ERAP1: variants seen among roughly 807,000 people sequenced by gnomAD.
ERAP1 encodes the protein endoplasmic reticulum aminopeptidase 1.
Under a neutral mutation model 103.7 loss-of-function variants are expected in ERAP1, and 86 were observed. That is an observed-to-expected ratio of 0.83 (90% CI 0.70 to 0.99). The LOEUF is 0.99. ERAP1 is among the 50% of genes least tolerant of loss of function. The pLI is 0.00. For synonymous variants in ERAP1, 398 were observed against 402.4 expected (o/e 0.99, Z 0.13); for missense variants, 1,009 against 1,128.4 (o/e 0.89, Z 1.52).
At chr5:96,892,810 T>C in the ERAP1 span, among the ~76,000 whole-genome samples, 2 of 152,202 alleles carry the variant, frequency 1.3e-5, no homozygotes, top group Non-Finnish European at 2.9e-5. Context: ...TTATATCCCC[T>C]GGTACTCTGG....
chr5:96,812,084 G>A (rs1359107887), upstream of ERAP1, among the ~76,000 whole-genome samples: 3 of 152,178 alleles, frequency 2.0e-5, no homozygotes, highest in Non-Finnish European at 4.4e-5. Context: ...TATATGCACT[G>A]AACATATGTT....
chr5:96,867,511 T>C, the ERAP1 span, among the ~76,000 whole-genome samples: 1 of 152,144 alleles, frequency 6.6e-6, no homozygotes, highest in Non-Finnish European at 1.5e-5. Flanking sequence ...GGCGTTGGGA[T>C]GATTTGAAAC....
At chr5:96,853,861 A>AAAG in the ERAP1 span, among the ~76,000 whole-genome samples, 807 of 151,684 alleles carry the variant, frequency 5.3e-3, 24 homozygotes, top group Admixed American at 0.05. Context: ...AAAAAAAAAA[A>AAAG]AAGAAGCATG....
the ERAP1 span, among the ~76,000 whole-genome samples, chr5:96,885,128 G>C: frequency 6.6e-6 from 1 of 152,138 alleles, no homozygotes; most frequent in Non-Finnish European, 1.5e-5. Flanking sequence ...ACGCCCATTT[G>C]CCTCCGAACC....
At chr5:96,856,393 G>GAGAGAT in the ERAP1 span, among the ~76,000 whole-genome samples, 1 of 122,100 alleles carries the variant, frequency 8.2e-6, no homozygotes, top group Non-Finnish European at 1.7e-5. Context: ...GAGAGAGAGA[G>GAGAGAT]AGCAAATACT....
At position 96,781,727 on chromosome 5, in the gene ERAP1, G is replaced by C. The variant is rs1775197887; in HGVS notation, c.2413C>G (p.Leu805Val). The C allele has an allele frequency of 6.2e-7, 1 of 1,614,168 alleles. No individual in the cohort carries two copies. Reference sequence around the variant, plus strand: ...TTTTCCTTATTTTGGGTTCTGCAGAGGGCAAATTCAATTTGGCTTTTCTCA... The same window carrying C: ...TTTTCCTTATTTTGGGTTCTGCAGACGGCAAATTCAATTTGGCTTTTCTCA... ...STEKSQIEFA[L>V]CRTQNKEKLQ... The change falls in exon 16 of 19, where the codon CTC becomes GTC. Residue 805 changes from leucine to valine, a missense_variant. By Grantham distance (32) the Leu-to-Val change is conservative. This residue lies in a region of ERAP1 where 611 missense variants were observed against 651.7 expected (regional missense o/e 0.94). Transcript: ENST00000443439.
chr5:96,870,646 A>T, the ERAP1 span, among the ~76,000 whole-genome samples: 2 of 152,074 alleles, frequency 1.3e-5, no homozygotes, highest in African/African-American at 2.4e-5. Context: ...TAATAAACCC[A>T]GTTGGTTCAA....
At chr5:96,761,366 A>T (rs1298195846) in exon 20 of ERAP1, 1 of 152,226 alleles carries the variant, frequency 6.6e-6, no homozygotes, top group African/African-American at 2.4e-5. Context: ...ATTTTGGATT[A>T]CCTAAAATAT....
the ERAP1 span, chr5:96,886,642 T>C: frequency 6.7e-7 from 1 of 1,497,222 alleles, no homozygotes; most frequent in South Asian, 1.3e-5. Flanking sequence ...ATTATTCCTT[T>C]TCCTTTCTGT....
chr5:96,830,361 C>T, the ERAP1 span, among the ~76,000 whole-genome samples: 108,065 of 152,104 alleles, frequency 0.71, 39,358 homozygotes, highest in Non-Finnish European at 0.79. Context: ...TGAAGATGTG[C>T]GTACCCAATG....
chr5:96,902,431 A>G, the ERAP1 span: 1 of 849,234 alleles, frequency 1.2e-6, no homozygotes, highest in Non-Finnish European at 2.0e-6. Flanking sequence ...GAACGATACA[A>G]TAAGTAAATC....
chr5:96,873,199 T>G, the ERAP1 span: 1 of 367,792 alleles, frequency 2.7e-6, no homozygotes, highest in Non-Finnish European at 5.5e-6. Flanking sequence ...AAAAAAAAAA[T>G]CATGAAAATT....
chr5:96,889,235 G>A, the ERAP1 span: 1 of 1,614,020 alleles, frequency 6.2e-7, no homozygotes, highest in South Asian at 1.1e-5. Context: ...ATTATGCTTT[G>A]CAGGCATCAC....
the ERAP1 span, chr5:96,908,885 CA>C: frequency 1.4e-6 from 2 of 1,416,368 alleles, no homozygotes; most frequent in South Asian, 1.4e-5. Flanking sequence ...TTCTCTATTT[CA>C]TATTTGTTTT....
the ERAP1 span, among the ~76,000 whole-genome samples, chr5:96,853,130 T>C: frequency 6.6e-6 from 1 of 152,110 alleles, no homozygotes; most frequent in African/African-American, 2.4e-5. Context: ...ATTCAACAAA[T>C]GCAGAATTAG....
At chr5:96,768,214 G>T (rs191828957) in intron 19 of ERAP1, among the ~76,000 whole-genome samples, 8 of 152,186 alleles carry the variant, frequency 5.3e-5, no homozygotes, top group Non-Finnish European at 1.2e-4. Flanking sequence ...TTCCTGAGTA[G>T]CTGGGACTAC....
At chr5:96,886,636 T>C in the ERAP1 span, 1 of 1,490,578 alleles carries the variant, frequency 6.7e-7, no homozygotes, top group Admixed American at 1.8e-5. Context: ...GTACTGATTA[T>C]TCCTTTTCCT....
At chr5:96,814,248 CA>C in the ERAP1 span, 1 of 456,048 alleles carries the variant, frequency 2.2e-6, no homozygotes, top group Admixed American at 2.3e-5. Flanking sequence ...AGGCTGCTCT[CA>C]GATATGACTA....
the ERAP1 span, chr5:96,901,688 G>A: frequency 1.2e-6 from 2 of 1,612,756 alleles, no homozygotes; most frequent in Non-Finnish European, 1.7e-6. Context: ...AGAGGTGGCT[G>A]CTTTTCTTCT....
Sources: gnomAD v4.1 joint callset for allele counts (sites outside exome capture counted in the v4.1 genomes callset) on GRCh38, gnomAD v4.1.1 for gene constraint, gnomAD v4.1.1 regional missense constraint, MANE v1.5 for transcripts, NCBI Gene and HGNC (gene_info 2026-07-23, HGNC 2026-07-21) for gene names.